The following SDK1 variants were observed in gnomAD, a reference collection of about 807,000 sequenced individuals.
SDK1 encodes sidekick cell adhesion molecule 1, also known as protein sidekick-1.
In SDK1, 157 loss-of-function variants were observed where a neutral mutation model predicts 245.5. The observed-to-expected ratio is 0.64, with a 90% CI of 0.56 to 0.73. The LOEUF (loss-of-function observed/expected upper bound fraction) is 0.73, where lower values mean the gene tolerates loss of function less well. SDK1 is among the 30% of genes least tolerant of loss of function. The pLI, the probability that SDK1 is intolerant of heterozygous loss-of-function variation, is 0.00. For missense variants in SDK1, 3,583 were observed against 3,002.3 expected, an observed-to-expected ratio of 1.19 and a Z score of -4.52; for synonymous variants, 1,647 against 1,278.5, an observed-to-expected ratio of 1.29 and a Z score of -6.15.
At chr7:4,135,124 G>A (rs770236240) in intron 28 of SDK1, among the ~76,000 whole-genome samples, 4 of 152,186 alleles carry the variant, frequency 2.6e-5, no homozygotes, top group African/African-American at 7.2e-5. Flanking sequence ...ATCATCTGTC[G>A]TTTACTTTCC....
chr7:4,222,987 G>A (rs912856549), intron 40 of SDK1, among the ~76,000 whole-genome samples: 9 of 151,494 alleles, frequency 5.9e-5, no homozygotes, highest in African/African-American at 2.2e-4. Context: ...CCAGACTTAA[G>A]AAACCACTTC....
intron 1 of SDK1, among the ~76,000 whole-genome samples, chr7:3,583,751 C>T (rs888623166): frequency 6.6e-6 from 1 of 152,092 alleles, no homozygotes; most frequent in South Asian, 2.1e-4. Flanking sequence ...AGGAAGACTG[C>T]GTCCACCTGC....
intron 41 of SDK1, among the ~76,000 whole-genome samples, 195 bp from the exon 42 acceptor site, chr7:4,237,452 C>T (rs1249031973): frequency 6.6e-6 from 1 of 152,020 alleles, no homozygotes; most frequent in African/African-American, 2.4e-5. Context: ...TTCCCAAAGC[C>T]TGCTGAGGAC....
At chr7:3,487,977 A>G (rs1477145490) in intron 1 of SDK1, among the ~76,000 whole-genome samples, 1 of 152,108 alleles carries the variant, frequency 6.6e-6, no homozygotes, top group African/African-American at 2.4e-5. Flanking sequence ...TATTGTTGCT[A>G]CACATTTTGC....
At chr7:3,719,262 TA>T (rs1267865621) in intron 4 of SDK1, among the ~76,000 whole-genome samples, 6 of 146,402 alleles carry the variant, frequency 4.1e-5, no homozygotes, top group Non-Finnish European at 9.0e-5. Context: ...TTTTTTTTTT[TA>T]AATATAGGTA....
intron 1 of SDK1, among the ~76,000 whole-genome samples, chr7:3,496,835 G>C (rs1218660127): frequency 2.0e-5 from 3 of 152,124 alleles, no homozygotes; most frequent in Admixed American, 6.5e-5. Context: ...TTCTCCTGCA[G>C]GCTAGAAGAT....
chr7:3,645,592 G>A (rs940804541), intron 4 of SDK1, among the ~76,000 whole-genome samples: 16 of 152,018 alleles, frequency 1.1e-4, no homozygotes, highest in African/African-American at 3.4e-4. Flanking sequence ...CATCTATTAT[G>A]CACTAATAAA....
At chr7:3,478,192 C>G (rs1225815742) in intron 1 of SDK1, among the ~76,000 whole-genome samples, 1 of 152,050 alleles carries the variant, frequency 6.6e-6, no homozygotes, top group Non-Finnish European at 1.5e-5. Context: ...AGTTTCATGG[C>G]CATTACCTCC....
rs182175616 is a variant in SDK1, at chr7:3,308,655, T to A, written c.298+6771T>A. Among the ~76,000 whole-genome samples, 775 of 152,132 alleles carry A rather than the reference T, an allele frequency of 5.1e-3. 7 individuals carry two copies. The highest frequency in any genetic ancestry group is 0.018 in the South Asian group (85 of 4,816). Reference sequence around the variant, plus strand: ...TGGCTTTGGTTCATTTTCAAAAAAATTTTTTTTAAATGGATAAGGCTAGGC... The same window carrying A: ...TGGCTTTGGTTCATTTTCAAAAAAAATTTTTTTAAATGGATAAGGCTAGGC... On this transcript the variant is annotated intron_variant, in intron 1 of 44. Coordinates refer to ENST00000404826, the MANE Select transcript of SDK1 (RefSeq NM_152744.4).
chr7:3,462,907 T>G (rs1780878027), intron 1 of SDK1, among the ~76,000 whole-genome samples: 1 of 152,194 alleles, frequency 6.6e-6, no homozygotes, highest in Non-Finnish European at 1.5e-5. Context: ...CAGGTTATCC[T>G]TGCTTGCCTT....
chr7:3,633,434 T>A lies in SDK1; in HGVS notation c.459-5570T>A, dbSNP rs529690576. On this transcript the variant is annotated intron_variant, in intron 2 of 44. Transcript: ENST00000404826. ...TCATCTGGCAGTGCTTGGAAAGGAC[T>A]GCTGAACAGTATTCTAAAATAGTAT... is the stretch of plus-strand genomic sequence containing the variant. 9.9e-5 allele frequency among the ~76,000 whole-genome samples: 15 copies of A among 152,284 alleles called. 1 individual carries two copies. The South Asian group carries it at 3.1e-3, about 32-fold the overall frequency.
At chr7:4,227,622 A>G (rs1395057690) in intron 40 of SDK1, among the ~76,000 whole-genome samples, 1 of 152,248 alleles carries the variant, frequency 6.6e-6, no homozygotes, top group African/African-American at 2.4e-5. Flanking sequence ...GCGTGGAACC[A>G]GAAATCTCAG....
At chr7:3,945,080 C>T (rs1037093666) in intron 5 of SDK1, among the ~76,000 whole-genome samples, 17 of 152,220 alleles carry the variant, frequency 1.1e-4, no homozygotes, top group African/African-American at 4.1e-4. Flanking sequence ...TGCCACTGCA[C>T]TCCAGCCTGG....
In SDK1 at chr7:3,608,090, A is replaced by T. The variant is rs1270433640; in HGVS notation, c.299-10990A>T. On this transcript the variant is annotated intron_variant, in intron 1 of 44. Coordinates refer to ENST00000404826, the MANE Select transcript of SDK1 (RefSeq NM_152744.4). ...CGCGTATCCCGAGGCAGTGGTGCCA[A>T]ACTACACCAGCTGGTGTGTTACTCA... 2.6e-5 allele frequency among the ~76,000 whole-genome samples: 4 copies of T among 152,226 alleles called. No individual in the cohort carries two copies. In the East Asian group the frequency reaches 5.8e-4, roughly 22 times the overall value.
intron 17 of SDK1, among the ~76,000 whole-genome samples, chr7:4,039,525 C>T (rs1041092119): frequency 6.6e-6 from 1 of 152,050 alleles, no homozygotes; most frequent in African/African-American, 2.4e-5. Context: ...TTGAAAAATT[C>T]AAAAAGCAAA....
intron 25 of SDK1, among the ~76,000 whole-genome samples, chr7:4,125,884 G>A (rs551302252): frequency 6.6e-6 from 1 of 152,286 alleles, no homozygotes; most frequent in East Asian, 1.9e-4. Flanking sequence ...TCACAAGTGG[G>A]ACAACTGAGG....
In SDK1 at chr7:3,599,438, G is replaced by A. The variant is rs566688818; in HGVS notation, c.299-19642G>A. Among the ~76,000 whole-genome samples, 89 of 152,130 alleles carry A rather than the reference G, an allele frequency of 5.9e-4. 1 individual carries two copies. Among genetic ancestry groups the A allele is most frequent in the African/African-American group, 1.9e-3 (79 of 41,490 alleles). On this transcript the variant is annotated intron_variant, in intron 1 of 44. Coordinates refer to ENST00000404826, the MANE Select transcript of SDK1 (RefSeq NM_152744.4). ...TCTGTGTCTGTCTTCTCATCTCTCCGTAGAGTCTTTTGAAGAGCAGAAGGT... is the reference window on the plus strand; with the variant it reads ...TCTGTGTCTGTCTTCTCATCTCTCCATAGAGTCTTTTGAAGAGCAGAAGGT...
chr7:3,825,318 T>TAAAAA (rs763807672), intron 5 of SDK1, among the ~76,000 whole-genome samples: 3 of 71,392 alleles, frequency 4.2e-5, no homozygotes, highest in Non-Finnish European at 5.8e-5. Context: ...TTTCTTCCTC[T>TAAAAA]AAAAAAAAAA....
At chr7:3,985,116 G>C (rs1163817136) in intron 13 of SDK1, among the ~76,000 whole-genome samples, 2 of 152,114 alleles carry the variant, frequency 1.3e-5, no homozygotes, top group African/African-American at 2.4e-5. Context: ...GGCCTTCCCA[G>C]CATGGCCAGA....
Sources: gnomAD v4.1 joint callset for allele counts (sites outside exome capture counted in the v4.1 genomes callset) on GRCh38, gnomAD v4.1.1 for gene constraint, MANE v1.5 for transcripts, NCBI Gene and HGNC (gene_info 2026-07-23, HGNC 2026-07-21) for gene names.